MPHOSPH9: variants seen among roughly 807,000 people sequenced by gnomAD.
The protein encoded by MPHOSPH9 is M-phase phosphoprotein 9.
A neutral mutation model predicts 145.5 loss-of-function variants in MPHOSPH9; 88 were observed. The ratio of observed to expected loss-of-function variants is 0.60; its 90% confidence interval spans 0.51 to 0.72. The LOEUF is 0.72. MPHOSPH9 is among the 30% of genes least tolerant of loss of function. MPHOSPH9 has a pLI of 0.00. For missense variants in MPHOSPH9, 1,238 were observed against 1,386.6 expected (o/e 0.89, Z 1.70); for synonymous variants, 435 against 486.2 (o/e 0.89, Z 1.39).
chr12:123,170,768 A>C (rs2044542893), intron 16 of MPHOSPH9, among the ~76,000 whole-genome samples: 1 of 152,202 alleles, frequency 6.6e-6, no homozygotes, highest in African/African-American at 2.4e-5. Flanking sequence ...AATTCCTCTA[A>C]GGCAAACATC....
downstream of MPHOSPH9, chr12:123,152,722 CTTGGCAGGGCAGGAAA>C (rs771241917): frequency 2.2e-5 from 8 of 362,200 alleles, no homozygotes; most frequent in Middle Eastern, 3.7e-4. Flanking sequence ...CCATAGAGCT[CTTGGCAGGGCAGGAAA>C]TTATTTCCAG....
chr12:123,204,451 G>A (rs778909678), intron 8 of MPHOSPH9, among the ~76,000 whole-genome samples: 1 of 152,146 alleles, frequency 6.6e-6, no homozygotes, highest in East Asian at 1.9e-4. Flanking sequence ...TTTGTTAAAA[G>A]AGTTGGCCAA....
At chr12:123,242,953 T>C (rs1410911006) in intron 1 of MPHOSPH9, among the ~76,000 whole-genome samples, 2 of 152,204 alleles carry the variant, frequency 1.3e-5, no homozygotes, top group African/African-American at 4.8e-5. Flanking sequence ...GATACACAAA[T>C]GAATTTTGTT....
Position 123,214,814 on chromosome 12 carries a change from T to C in MPHOSPH9, c.1017A>G (p.Thr339=). 6.2e-7 allele frequency: 1 copy of C among 1,613,426 alleles called. No individual in the cohort carries two copies. Among genetic ancestry groups the C allele is most frequent in the African/African-American group, 1.3e-5 (1 of 75,018 alleles). Reference sequence around the variant, plus strand: ...TACTGAGGTAAAAAGCACGAGGATGTGTAGCAGCAGCAAAATCAGACTACA... The same window carrying C: ...TACTGAGGTAAAAAGCACGAGGATGCGTAGCAGCAGCAAAATCAGACTACA... ...PIEKSDFAAA[T]HPRAFYLSKP... The change falls in exon 7 of 24, where the codon ACA becomes ACG. Residue 339 remains threonine, a synonymous_variant. Transcript: ENST00000606320.
chr12:123,240,548 T>TG, intron 1 of MPHOSPH9: 1 of 151,620 alleles, frequency 6.6e-6, no homozygotes, highest in Middle Eastern at 3.4e-3. Context: ...TTAGTTTTAA[T>TG]GAAGTTTCTG....
At chr12:123,236,069 AT>A (rs1180895965), upstream of MPHOSPH9, among the ~76,000 whole-genome samples, 4 of 152,124 alleles carry the variant, frequency 2.6e-5, no homozygotes, top group Non-Finnish European at 5.9e-5. Flanking sequence ...TCTCAAAAAA[AT>A]AAATAAATAA....
intron 16 of MPHOSPH9, 97 bp from the exon 17 acceptor site, chr12:123,166,886 C>T: frequency 5.8e-6 from 7 of 1,202,574 alleles, no homozygotes; most frequent in Non-Finnish European, 8.0e-6. Flanking sequence ...AGTATTTACA[C>T]ATTTGTACAC....
intron 4 of MPHOSPH9, 123 bp from the exon 5 acceptor site, chr12:123,222,018 T>A: frequency 6.0e-6 from 4 of 670,132 alleles, no homozygotes; most frequent in Non-Finnish European, 9.7e-6. Flanking sequence ...AATGTGATAC[T>A]TTATCTTTAG....
At chr12:123,193,119 AC>A (rs2045784314) in intron 13 of MPHOSPH9, among the ~76,000 whole-genome samples, 1 of 131,596 alleles carries the variant, frequency 7.6e-6, no homozygotes, top group South Asian at 2.5e-4. Context: ...ACACACACAC[AC>A]ACACACACAC....
chr12:123,239,569 AT>A (rs1408375668), intron 1 of MPHOSPH9, among the ~76,000 whole-genome samples: 1 of 151,780 alleles, frequency 6.6e-6, no homozygotes, highest in Non-Finnish European at 1.5e-5. Context: ...TGCCCAGCTA[AT>A]TTTTTGTATT....
chr12:123,211,020 T>C (rs548719004), intron 7 of MPHOSPH9, among the ~76,000 whole-genome samples: 33 of 145,268 alleles, frequency 2.3e-4, no homozygotes, highest in Admixed American at 4.2e-4. Flanking sequence ...AGTCTCACTC[T>C]GTTGCCCAGG....
Position 123,183,938 on chromosome 12 carries a change from G to A in MPHOSPH9, c.2242-2728C>T, listed in dbSNP as rs2045319069. ...AGTAAAAGACTTCAAAAACACCCAG[G>A]GCAGGTCACACCTATAATCATAGCA... On this transcript the variant is annotated intron_variant, in intron 13 of 23. Coordinates refer to ENST00000606320, the MANE Select transcript of MPHOSPH9 (RefSeq NM_022782.4). Among the ~76,000 whole-genome samples the A allele has an allele frequency of 2.0e-5, 3 of 152,072 alleles. No individual in the cohort carries two copies. The South Asian group carries it at 6.2e-4, about 32-fold the overall frequency.
upstream of MPHOSPH9, among the ~76,000 whole-genome samples, chr12:123,234,434 C>T (rs766128816): frequency 5.9e-5 from 9 of 152,026 alleles, no homozygotes; most frequent in Non-Finnish European, 1.2e-4. Context: ...CTCTCTCTGT[C>T]ACCCAGGCTG....
chr12:123,182,260 TG>T (rs1565918786), intron 13 of MPHOSPH9, among the ~76,000 whole-genome samples: 2 of 62,320 alleles, frequency 3.2e-5, no homozygotes, highest in South Asian at 7.2e-4. Flanking sequence ...TTTTTTTTTT[TG>T]TTTTTTTTTT....
intron 23 of MPHOSPH9, among the ~76,000 whole-genome samples, chr12:123,158,400 C>T (rs778074701): frequency 2.0e-5 from 3 of 152,078 alleles, no homozygotes; most frequent in African/African-American, 4.8e-5. Context: ...GCCAGGAGTT[C>T]GAGACCACCC....
intron 3 of MPHOSPH9, among the ~76,000 whole-genome samples, 173 bp from the exon 4 acceptor site, chr12:123,223,300 G>T (rs1433707696): frequency 1.3e-5 from 2 of 152,018 alleles, no homozygotes; most frequent in Admixed American, 1.3e-4. Context: ...AGAGAGCAGG[G>T]AGTTCTACAG....
At chr12:123,243,618 T>C (rs2138763204) in intron 1 of MPHOSPH9, among the ~76,000 whole-genome samples, 1 of 151,578 alleles carries the variant, frequency 6.6e-6, no homozygotes, top group African/African-American at 2.4e-5. Context: ...GGCAGGAGAA[T>C]CACTTGAACC....
intron 16 of MPHOSPH9, among the ~76,000 whole-genome samples, chr12:123,168,341 CTTT>C (rs1247136954): frequency 1.5e-5 from 2 of 135,404 alleles, no homozygotes; most frequent in African/African-American, 2.8e-5. Context: ...ACATGACTTT[CTTT>C]TTTTTTTTTT....
In MPHOSPH9 at chr12:123,230,268, T is replaced by C; in HGVS notation, c.97A>G (p.Thr33Ala). The C allele has an allele frequency of 6.7e-7, 1 of 1,492,230 alleles. No homozygotes were observed. 92.4% of individuals were successfully genotyped at this position (1,492,230 alleles called of 1,614,324 possible). A position where few individuals can be genotyped will look rare whatever the true frequency, so the allele number is the denominator to read the frequency against. Reference protein sequence around the residue: ...SLHSLGLNLNTDRSSPHLSTN... With the variant: ...SLHSLGLNLNADRSSPHLSTN... ...TTTAAATCCCATTCTTACCTATCAGTATTTAAGTTCAGTCCAAGAGAATGA... is the reference window on the plus strand; with the variant it reads ...TTTAAATCCCATTCTTACCTATCAGCATTTAAGTTCAGTCCAAGAGAATGA... Residue 33 changes from threonine (T) to alanine (A), a missense_variant, in exon 2 of 24, where the codon ACT becomes GCT. Physicochemically the swap from Thr to Ala is moderately conservative, Grantham distance 58. Around this residue, in one of 3 missense-constraint regions of MPHOSPH9, gnomAD observed 837 missense variants for 897.5 expected, o/e 0.93. Coordinates refer to ENST00000606320, the MANE Select transcript of MPHOSPH9 (RefSeq NM_022782.4).
Sources: gnomAD v4.1 joint callset for allele counts (sites outside exome capture counted in the v4.1 genomes callset) on GRCh38, gnomAD v4.1.1 for gene constraint, gnomAD v4.1.1 regional missense constraint, MANE v1.5 for transcripts, NCBI Gene and HGNC (gene_info 2026-07-23, HGNC 2026-07-21) for gene names.